The following BRD4 variants were observed in gnomAD, a reference collection of about 807,000 sequenced individuals.
BRD4 encodes bromodomain containing 4, also known as bromodomain-containing protein 4.
Under a neutral mutation model 142.1 loss-of-function variants are expected in BRD4, and 16 were observed. The observed-to-expected ratio is 0.11, with a 90% CI of 0.08 to 0.17. BRD4 has a LOEUF of 0.17. BRD4 is among the 10% of genes least tolerant of loss of function. The pLI is 1.00. For missense variants in BRD4, 1,424 were observed against 1,810.9 expected (o/e 0.79, Z 3.88); for synonymous variants, 833 against 707.5 (o/e 1.18, Z -2.82).
Position 15,311,838 on chromosome 19 carries a change from A to C in BRD4, c.-35+20452T>G, listed in dbSNP as rs534320973. Among the ~76,000 whole-genome samples, 15 of 152,232 alleles carry C rather than the reference A, an allele frequency of 9.9e-5. No homozygotes were observed. The East Asian group carries it at 2.7e-3, about 27-fold the overall frequency. On this transcript the variant is annotated intron_variant, in intron 1 of 19. Transcript: ENST00000679869. ...ACGAAAAATACTCAACAAACAAAAA[A>C]TACTGTCTGATTCTACTTATATGAA...
chr19:15,240,517 C>T (rs1271254621), intron 14 of BRD4, among the ~76,000 whole-genome samples: 1 of 152,280 alleles, frequency 6.6e-6, no homozygotes, highest in South Asian at 2.1e-4. Flanking sequence ...TGCTCAGGAC[C>T]CTCCCCACAG....
At chr19:15,328,899 G>A (rs1204358847) in intron 1 of BRD4, among the ~76,000 whole-genome samples, 7 of 152,226 alleles carry the variant, frequency 4.6e-5, no homozygotes, top group Middle Eastern at 3.4e-3. Flanking sequence ...TCAGCCTCCC[G>A]AGTAGCTGGG....
chr19:15,242,189 TAC>T lies in BRD4; in HGVS notation c.3169+709_3169+710del, dbSNP rs200124455. 6.8e-3 allele frequency among the ~76,000 whole-genome samples: 1,034 copies of T among 152,166 alleles called. 8 individuals are homozygous for T. Among genetic ancestry groups the T allele is most frequent in the Non-Finnish European group, 9.7e-3 (657 of 67,990 alleles). On this transcript the variant is annotated intron_variant, in intron 14 of 19. Transcript: ENST00000679869. The stretch of plus-strand genomic sequence containing the variant: ...TGCTTGATTTGCAGGCAGCACCCGG[TAC>T]ACACCCAAGACAGGCAGCACCATCT...
chr19:15,277,810 CAAAAA>C (rs2047663848), intron 1 of BRD4, among the ~76,000 whole-genome samples: 1 of 148,164 alleles, frequency 6.7e-6, no homozygotes, highest in African/African-American at 2.5e-5. Context: ...CAAAACAAAA[CAAAAA>C]GCAAAGGTCA....
At position 15,239,833 on chromosome 19, in the gene BRD4, C is replaced by G. The variant is rs757629079; in HGVS notation, c.3283-12G>C. 1 of 1,613,834 alleles carries G rather than the reference C, an allele frequency of 6.2e-7. No individual in the cohort carries two copies. The highest frequency in any genetic ancestry group is 1.1e-5 in the South Asian group (1 of 91,074). On this transcript the variant is annotated splice_polypyrimidine_tract_variant and intron_variant, in intron 15 of 19. Transcript: ENST00000679869. This position sits in a 1 kb window ranked among gnomAD's most constrained non-coding sequence, Gnocchi z 7.4. The stretch of plus-strand genomic sequence containing the variant: ...GCAGCACGCAGCTCCTGGGATGGCA[C>G]AGGCACAGCGGCCGGTGAGGTGGGC...
intron 1 of BRD4, among the ~76,000 whole-genome samples, chr19:15,321,605 T>C (rs933581754): frequency 2.6e-5 from 4 of 152,122 alleles, no homozygotes; most frequent in African/African-American, 9.7e-5. Context: ...GTGGAGCCCT[T>C]AGATTCAACT....
chr19:15,280,663 T>C (rs549065052), intron 1 of BRD4, among the ~76,000 whole-genome samples: 1 of 152,316 alleles, frequency 6.6e-6, no homozygotes, highest in East Asian at 1.9e-4. Flanking sequence ...TAAATTTGTT[T>C]TATTCCATAC....
rs568815039 is a variant in BRD4 at position 15,264,351 on chromosome 19, G to A, written c.1212+53C>T. 21 of 1,547,142 alleles carry A rather than the reference G, an allele frequency of 1.4e-5. No homozygotes were observed. The South Asian group carries it at 1.9e-4, about 14-fold the overall frequency. ...CTAAAAGGTCTAGGAAGGTTCTGATGTGGAGGGACAGCCTGCCCACCTTGT... is the reference window on the plus strand; with the variant it reads ...CTAAAAGGTCTAGGAAGGTTCTGATATGGAGGGACAGCCTGCCCACCTTGT... On this transcript the variant is annotated intron_variant, in intron 6 of 19. Coordinates refer to ENST00000679869, the MANE Select transcript of BRD4 (RefSeq NM_001379291.1).
intron 1 of BRD4, among the ~76,000 whole-genome samples, chr19:15,330,540 T>A (rs1000106340): frequency 5.3e-5 from 8 of 152,162 alleles, no homozygotes; most frequent in African/African-American, 1.9e-4. Context: ...CCGAGGAGGA[T>A]GGAACACCTG....
At chr19:15,330,100 C>G (rs2048144022) in intron 1 of BRD4, among the ~76,000 whole-genome samples, 1 of 152,198 alleles carries the variant, frequency 6.6e-6, no homozygotes, top group Admixed American at 6.5e-5. Context: ...ATCTTTCATC[C>G]GTAGGCAAAG....
At chr19:15,281,629 T>C (rs2047705086) in intron 1 of BRD4, among the ~76,000 whole-genome samples, 1 of 152,236 alleles carries the variant, frequency 6.6e-6, no homozygotes, top group African/African-American at 2.4e-5. Flanking sequence ...ATCATGTTGC[T>C]GATTGTTAAA....
chr19:15,293,025 C>A (rs1310309603), intron 1 of BRD4, among the ~76,000 whole-genome samples: 2 of 151,994 alleles, frequency 1.3e-5, no homozygotes, highest in Non-Finnish European at 2.9e-5. Flanking sequence ...CAAGTGCACA[C>A]CTGGGTGTCT....
Position 15,279,890 on chromosome 19 carries a change from C to A in BRD4, c.-34-6757G>T, listed in dbSNP as rs561812567. Among the ~76,000 whole-genome samples, 13 of 152,338 alleles carry A rather than the reference C, an allele frequency of 8.5e-5. No individual in the cohort carries two copies. In the South Asian group the frequency reaches 1.2e-3, roughly 15 times the overall value. ...ATTCTGTCTGGTCTGTTCAGACTCA[C>A]CCCTCTCCTAAAGTGATGGAGCACA... On this transcript the variant is annotated intron_variant, in intron 1 of 19. Transcript: ENST00000679869.
At chr19:15,253,297 C>T (rs942468009) in intron 11 of BRD4, 17 of 555,966 alleles carry the variant, frequency 3.1e-5, no homozygotes, top group Admixed American at 2.7e-4. Context: ...CTCTCCCCTG[C>T]GCCAGCCTGA....
intron 1 of BRD4, among the ~76,000 whole-genome samples, chr19:15,329,499 G>C (rs567034227): frequency 6.6e-6 from 1 of 152,242 alleles, no homozygotes; most frequent in Non-Finnish European, 1.5e-5. Flanking sequence ...CCAGTACTTT[G>C]GGAGGCCGAG....
rs905320528 is a variant in BRD4, at chr19:15,255,947, C to G, written c.1751+117G>C. 26 of 1,366,540 alleles carry G rather than the reference C, an allele frequency of 1.9e-5. No individual in the cohort carries two copies. The Middle Eastern group carries it at 8.0e-4, about 42-fold the overall frequency. The allele number at this position is 1,366,540 out of a possible 1,614,324, so 84.7% of individuals were successfully genotyped here. On this transcript the variant is annotated intron_variant, in intron 9 of 19. Coordinates refer to ENST00000679869, the MANE Select transcript of BRD4 (RefSeq NM_001379291.1). ...ACCAGCCTGGCCTGTGAAGCCACGG[C>G]TGCAGAGGGGCAGCCTCCGCACCCA...
chr19:15,325,325 ATG>A (rs1478579129), intron 1 of BRD4, among the ~76,000 whole-genome samples: 1 of 152,202 alleles, frequency 6.6e-6, no homozygotes, highest in African/African-American at 2.4e-5. Context: ...GGCAGCAAAA[ATG>A]AGATAGGACT....
In BRD4 at chr19:15,240,018, G is replaced by A. The variant is rs1162341279; in HGVS notation, c.3174C>T (p.His1058=). The A allele has an allele frequency of 1.9e-6, 3 of 1,610,402 alleles. No individual in the cohort carries two copies. Among genetic ancestry groups the A allele is most frequent in the East Asian group, 4.5e-5 (2 of 44,852 alleles). ...HHKSDPYSTG[H]LREAPSPLMI... is the part of the protein sequence containing the mutation. ...TAAGCGGGGAGGGGGCTTCGCGGAG[G>A]TGACCTAGGAGAAGGGACAAGGAAT... The change falls in exon 15 of 20, where the codon CAC becomes CAT. Residue 1058 remains histidine, a synonymous_variant. Transcript: ENST00000679869.
intron 1 of BRD4, among the ~76,000 whole-genome samples, chr19:15,317,747 T>C (rs1256717770): frequency 6.6e-6 from 1 of 152,114 alleles, no homozygotes; most frequent in Non-Finnish European, 1.5e-5. Context: ...AGACTGAGGA[T>C]AAGCAAGCTG....
Sources: allele counts gnomAD v4.1 joint callset (sites outside exome capture counted in the v4.1 genomes callset), GRCh38; gene constraint gnomAD v4.1.1; non-coding constraint Gnocchi (gnomAD v3.1); transcripts MANE v1.5; gene names NCBI Gene and HGNC (gene_info 2026-07-23, HGNC 2026-07-21).